Variants in KCNK9 observed in about 807,000 individuals in gnomAD.
The protein encoded by KCNK9 is potassium two pore domain channel subfamily K member 9.
In KCNK9, 1 loss-of-function variant was observed where a neutral mutation model predicts 10.8. That is an observed-to-expected ratio of 0.09 (90% CI 0.03 to 0.44). The LOEUF is 0.44. Ranked by LOEUF, KCNK9 falls within the 20% of genes least tolerant of loss-of-function variation. The pLI, the probability that KCNK9 is intolerant of heterozygous loss-of-function variation, is 0.97. For synonymous variants in KCNK9, 231 were observed against 222.7 expected, an observed-to-expected ratio of 1.04 and a Z score of -0.33; for missense variants, 303 against 515.0, an observed-to-expected ratio of 0.59 and a Z score of 3.98.
intron 1 of KCNK9, among the ~76,000 whole-genome samples, chr8:139,637,386 A>C (rs1207652356): frequency 6.6e-6 from 1 of 152,260 alleles, no homozygotes; most frequent in Non-Finnish European, 1.5e-5. Context: ...CTGATGAATT[A>C]AAGGAAAGTG....
At chr8:139,668,642 G>A (rs751879389) in intron 1 of KCNK9, among the ~76,000 whole-genome samples, 3 of 152,226 alleles carry the variant, frequency 2.0e-5, no homozygotes, top group Admixed American at 6.5e-5. Context: ...GGCTGGTGTC[G>A]AACTCCCGAC....
At chr8:139,681,498 G>A (rs368646623) in intron 1 of KCNK9, among the ~76,000 whole-genome samples, 5 of 152,348 alleles carry the variant, frequency 3.3e-5, no homozygotes, top group South Asian at 2.1e-4. Flanking sequence ...GGCGGAGCCC[G>A]GTGGGTGAGG....
intron 1 of KCNK9, among the ~76,000 whole-genome samples, chr8:139,640,835 G>T (rs926108434): frequency 2.0e-5 from 3 of 152,194 alleles, no homozygotes; most frequent in Non-Finnish European, 2.9e-5. Flanking sequence ...TTCATGCCAC[G>T]TTCTGCGGTT....
chr8:139,663,647 A>ATGTGTGTGTGTGTGTGTGTG, intron 1 of KCNK9, among the ~76,000 whole-genome samples: 1 of 55,694 alleles, frequency 1.8e-5, no homozygotes, highest in South Asian at 9.2e-4. Flanking sequence ...GCGCGTGCGC[A>ATGTGTGTGTGTGTGTGTGTG]CGTGTGTGTG....
chr8:139,685,002 G>A (rs1229783745), intron 1 of KCNK9, among the ~76,000 whole-genome samples: 2 of 152,210 alleles, frequency 1.3e-5, no homozygotes, highest in African/African-American at 4.8e-5. Flanking sequence ...CAACATGTGT[G>A]CAAGCTGATT....
intron 1 of KCNK9, among the ~76,000 whole-genome samples, chr8:139,692,543 C>T (rs1255965507): frequency 6.6e-6 from 1 of 152,202 alleles, no homozygotes; most frequent in South Asian, 2.1e-4. Context: ...ATGGCCTGAA[C>T]ATTGTCCCAG....
At chr8:139,670,894 T>C (rs1455027132) in intron 1 of KCNK9, among the ~76,000 whole-genome samples, 3 of 152,194 alleles carry the variant, frequency 2.0e-5, no homozygotes, top group Non-Finnish European at 4.4e-5. Flanking sequence ...TAGGATTTGA[T>C]GACCACCCCG....
chr8:139,641,948 G>A (rs1282215957), intron 1 of KCNK9, among the ~76,000 whole-genome samples: 1 of 152,194 alleles, frequency 6.6e-6, no homozygotes, highest in African/African-American at 2.4e-5. Flanking sequence ...CCTCCTCTCA[G>A]GCTCTGCCAT....
At chr8:139,614,752 G>A (rs892681928), downstream of KCNK9, among the ~76,000 whole-genome samples, 3 of 152,214 alleles carry the variant, frequency 2.0e-5, no homozygotes, top group Non-Finnish European at 2.9e-5. Flanking sequence ...TCTAGCAAGT[G>A]TTGCCCCCAG....
At position 139,618,345 on chromosome 8, in the gene KCNK9, G is replaced by A. The variant is rs76573007; in HGVS notation, c.1038C>T (p.Leu346=). The A allele has an allele frequency of 5.6e-4, 906 of 1,614,186 alleles. 7 individuals are homozygous for A. The African/African-American group carries it at 0.011, about 20-fold the overall frequency. ...EISPSTLKNS[L]FPSPISSISP... ...AGATGGAGCTAATAGGCGATGGGAA[G>A]AGGCTGTTTTTTAATGTGCTTGGTG... The change falls in exon 2 of 2, where the codon CTC becomes CTT. Residue 346 remains leucine (L), a synonymous_variant. Coordinates refer to ENST00000520439, the MANE Select transcript of KCNK9 (RefSeq NM_001282534.2). The surrounding 1 kb of genome is among the most constrained non-coding windows in gnomAD (Gnocchi z 7.9).
chr8:139,665,441 G>A (rs879675368), intron 1 of KCNK9, among the ~76,000 whole-genome samples: 21 of 152,124 alleles, frequency 1.4e-4, no homozygotes, highest in Admixed American at 6.5e-4. Context: ...CAGGAACCTC[G>A]CCCTTTCTTA....
intron 1 of KCNK9, among the ~76,000 whole-genome samples, chr8:139,642,434 G>T (rs1285763902): frequency 6.6e-6 from 1 of 152,232 alleles, no homozygotes; most frequent in African/African-American, 2.4e-5. Flanking sequence ...ATTTTAATGA[G>T]CTCAAAAGCA....
rs1237927464 is a variant in KCNK9 at position 139,619,073 on chromosome 8, C to T, written c.310G>A (p.Asp104Asn). ...IGYGHAAPGTDAGKAFCMFYA... is the reference protein window; with the variant it reads ...IGYGHAAPGTNAGKAFCMFYA... ...AACATGCAGAAGGCCTTGCCCGCATCGGTGCCAGGTGCAGCGTGCCCATAA... is the reference window on the plus strand; with the variant it reads ...AACATGCAGAAGGCCTTGCCCGCATTGGTGCCAGGTGCAGCGTGCCCATAA... The change falls in exon 2 of 2, where the codon GAT becomes AAT. Residue 104 changes from aspartate to asparagine, a missense_variant. Coordinates refer to ENST00000520439, the MANE Select transcript of KCNK9 (RefSeq NM_001282534.2). 9.9e-6 allele frequency: 16 copies of T among 1,614,004 alleles called. No individual in the cohort carries two copies. Among genetic ancestry groups the T allele is most frequent in the Non-Finnish European group, 1.3e-5 (15 of 1,180,040 alleles).
chr8:139,610,921 C>T (rs1005413291), downstream of KCNK9, among the ~76,000 whole-genome samples: 8 of 152,324 alleles, frequency 5.3e-5, no homozygotes, highest in African/African-American at 1.7e-4. Flanking sequence ...GAATCTGTGC[C>T]CCCTGTGCTG....
intron 1 of KCNK9, among the ~76,000 whole-genome samples, chr8:139,684,369 T>C (rs748459102): frequency 6.6e-6 from 1 of 152,224 alleles, no homozygotes; most frequent in South Asian, 2.1e-4. Flanking sequence ...AATGTGAACC[T>C]GTATCACAGC....
chr8:139,701,791 T>C (rs936500601), intron 1 of KCNK9, among the ~76,000 whole-genome samples: 10 of 152,088 alleles, frequency 6.6e-5, no homozygotes, highest in African/African-American at 2.4e-4. Context: ...AAGTATAACG[T>C]CCGGGAGTCC....
At chr8:139,636,496 T>G (rs1815344302) in intron 1 of KCNK9, among the ~76,000 whole-genome samples, 1 of 152,252 alleles carries the variant, frequency 6.6e-6, no homozygotes, top group Admixed American at 6.5e-5. Context: ...CCCTTTCCTT[T>G]CAGCAGAGGT....
chr8:139,630,416 C>T (rs560059689), intron 1 of KCNK9, among the ~76,000 whole-genome samples: 6 of 152,210 alleles, frequency 3.9e-5, no homozygotes, highest in Admixed American at 1.3e-4. Context: ...CCCACCTCCC[C>T]GGGGCCTCTC....
intron 1 of KCNK9, among the ~76,000 whole-genome samples, chr8:139,677,642 A>AGCCTGACCCAGCCCATCC (rs1563747594): frequency 2.8e-5 from 1 of 35,500 alleles, no homozygotes; most frequent in African/African-American, 8.5e-5. Context: ...CCAGCCCAAC[A>AGCCTGACCCAGCCCATCC]AGACCCCAGG....
Sources: gnomAD v4.1 joint callset for allele counts (sites outside exome capture counted in the v4.1 genomes callset) on GRCh38, gnomAD v4.1.1 for gene constraint, Gnocchi (gnomAD v3.1) non-coding constraint, MANE v1.5 for transcripts, NCBI Gene and HGNC (gene_info 2026-07-23, HGNC 2026-07-21) for gene names.